FMNL3: variants seen among roughly 807,000 people sequenced by gnomAD.
FMNL3 encodes formin-like protein 3.
FMNL3 carries 57 observed loss-of-function variants against 119.6 expected under a neutral mutation model. The ratio of observed to expected loss-of-function variants is 0.48; its 90% CI spans 0.39 to 0.59. The LOEUF (loss-of-function observed/expected upper bound fraction) is 0.59. FMNL3 is among the 20% of genes least tolerant of loss of function. FMNL3 has a pLI of 0.00. For missense variants in FMNL3, 1,053 were observed against 1,323.5 expected (o/e 0.80, Z 3.17); for synonymous variants, 491 against 507.3 (o/e 0.97, Z 0.43).
Position 49,649,506 on chromosome 12 carries a change from G to C in FMNL3, c.2268C>G (p.Ser756=). The C allele has an allele frequency of 6.2e-7, 1 of 1,614,124 alleles. No individual in the cohort carries two copies. Among genetic ancestry groups the C allele is most frequent in the Non-Finnish European group, 8.5e-7 (1 of 1,180,032 alleles). The change falls in exon 19 of 26, where the codon TCC becomes TCG. Residue 756 remains serine, a synonymous_variant. Coordinates refer to ENST00000335154, the MANE Select transcript of FMNL3 (RefSeq NM_175736.5). This position sits in a 1 kb window ranked among gnomAD's most constrained non-coding sequence, Gnocchi z 5.6. Reference sequence around the variant, plus strand: ...GCTTCAGCTTCTGTGAAGACTTGACGGAAGCGGACGCCGCAATGATGGCAT... The same window carrying C: ...GCTTCAGCTTCTGTGAAGACTTGACCGAAGCGGACGCCGCAATGATGGCAT... ...QLNAIIAASA[S]VKSSQKLKQM...
Position 49,640,993 on chromosome 12 carries a change from G to T in FMNL3, c.*4822C>A, listed in dbSNP as rs897282086. On this transcript the variant is annotated 3_prime_UTR_variant, in exon 26 of 26. Coordinates refer to ENST00000335154, the MANE Select transcript of FMNL3 (RefSeq NM_175736.5). ...AAAGAAGAAAGAGGAGCACACCTCT[G>T]CCATCAGCAAAAAGGCCAGAGGAGG... The T allele has an allele frequency of 6.6e-6, 1 of 152,386 alleles. No homozygotes were observed. The highest frequency in any genetic ancestry group is 1.5e-5 in the Non-Finnish European group (1 of 68,074). The allele number at this position is 152,386 out of a possible 1,614,324, so 9.4% of individuals were successfully genotyped here.
chr12:49,662,719 G>A (rs917030160), intron 4 of FMNL3, among the ~76,000 whole-genome samples: 6 of 152,176 alleles, frequency 3.9e-5, no homozygotes, highest in African/African-American at 1.4e-4. Context: ...CTGAGTACGT[G>A]GGTCCCCCTC....
chr12:49,655,326 G>C (rs1460132335), intron 9 of FMNL3, among the ~76,000 whole-genome samples: 1 of 152,196 alleles, frequency 6.6e-6, no homozygotes, highest in Non-Finnish European at 1.5e-5. Flanking sequence ...CAGCTACTTG[G>C]GAGGCAGAGG....
chr12:49,665,323 C>T (rs1943859982), intron 4 of FMNL3, among the ~76,000 whole-genome samples: 1 of 152,076 alleles, frequency 6.6e-6, no homozygotes. Context: ...CAGCTCCTGC[C>T]CCCAGTGCCT....
intron 5 of FMNL3, among the ~76,000 whole-genome samples, chr12:49,661,216 G>C (rs1017363292): frequency 6.6e-6 from 1 of 152,174 alleles, no homozygotes; most frequent in Non-Finnish European, 1.5e-5. Context: ...CCACAATACA[G>C]ACCCGGTATG....
At chr12:49,703,022 C>T (rs577375126) in intron 1 of FMNL3, among the ~76,000 whole-genome samples, 1 of 152,176 alleles carries the variant, frequency 6.6e-6, no homozygotes, top group Non-Finnish European at 1.5e-5. Context: ...CAGTCATCAC[C>T]AGGGAAATGT....
intron 1 of FMNL3, among the ~76,000 whole-genome samples, chr12:49,703,601 T>C (rs1944967856): frequency 6.6e-6 from 1 of 152,120 alleles, no homozygotes; most frequent in African/African-American, 2.4e-5. Context: ...CTGGGAACTT[T>C]AGCTGCCCCT....
chr12:49,679,262 A>T (rs1431544963), intron 1 of FMNL3, among the ~76,000 whole-genome samples: 1 of 152,172 alleles, frequency 6.6e-6, no homozygotes, highest in Non-Finnish European at 1.5e-5. Flanking sequence ...TTTGAACCCA[A>T]GTCTGACCCC....
At chr12:49,685,128 G>A (rs1283964387) in intron 1 of FMNL3, among the ~76,000 whole-genome samples, 1 of 152,164 alleles carries the variant, frequency 6.6e-6, no homozygotes, top group Non-Finnish European at 1.5e-5. Context: ...AATCCCAGGA[G>A]CACAGGTCTC....
At chr12:49,657,932 C>T (rs1943619652) in intron 6 of FMNL3, among the ~76,000 whole-genome samples, 2 of 152,152 alleles carry the variant, frequency 1.3e-5, no homozygotes, top group South Asian at 4.1e-4. Flanking sequence ...TAAGACACCG[C>T]AGACAAATGA....
At chr12:49,658,782 G>C (rs1353790033) in intron 5 of FMNL3, among the ~76,000 whole-genome samples, 188 bp from the exon 6 acceptor site, 1 of 151,710 alleles carries the variant, frequency 6.6e-6, no homozygotes, top group Non-Finnish European at 1.5e-5. Context: ...CACTAACACA[G>C]AACAGCGGCA....
At position 49,636,725 on chromosome 12, in the gene FMNL3, A is replaced by G. The variant is rs1941860880; in HGVS notation, c.*9090T>C. 3 of 1,614,172 alleles carry G rather than the reference A, an allele frequency of 1.9e-6. No homozygotes were observed. The highest frequency in any genetic ancestry group is 2.5e-6 in the Non-Finnish European group (3 of 1,180,016). On this transcript the variant is annotated 3_prime_UTR_variant, in exon 26 of 26. Transcript: ENST00000335154. ...TCCTGCCTGTCTTTAGACATGGACA[A>G]GGAAGATGCACTGATCTGTTTTGAG...
intron 1 of FMNL3, among the ~76,000 whole-genome samples, chr12:49,671,183 G>A (rs1944036326): frequency 6.6e-6 from 1 of 152,208 alleles, no homozygotes; most frequent in Non-Finnish European, 1.5e-5. Flanking sequence ...GAACTGATGA[G>A]GAAACACTTG....
chr12:49,643,811 C>T lies in FMNL3; in HGVS notation c.*2004G>A. The stretch of plus-strand genomic sequence containing the variant: ...ATTTTGTGAGTTCTGTTCTACCTGC[C>T]TCCCAGGCTATCCACAGGAACTGAG... On this transcript the variant is annotated 3_prime_UTR_variant, in exon 26 of 26. Transcript: ENST00000335154. 6.2e-7 allele frequency: 1 copy of T among 1,613,876 alleles called. No individual in the cohort carries two copies. The highest frequency in any genetic ancestry group is 8.5e-7 in the Non-Finnish European group (1 of 1,179,902).
At chr12:49,677,187 C>G (rs1412491308) in intron 1 of FMNL3, among the ~76,000 whole-genome samples, 1 of 152,242 alleles carries the variant, frequency 6.6e-6, no homozygotes, top group African/African-American at 2.4e-5. Flanking sequence ...ACTCCCCTAA[C>G]AGTGTCTCTG....
intron 1 of FMNL3, among the ~76,000 whole-genome samples, chr12:49,675,628 G>A (rs187343725): frequency 1.3e-5 from 2 of 152,250 alleles, no homozygotes; most frequent in East Asian, 3.9e-4. Context: ...TCATCACCTG[G>A]GTGGGCCGTT....
chr12:49,704,931 C>G (rs1034888857), intron 1 of FMNL3, among the ~76,000 whole-genome samples: 3 of 152,126 alleles, frequency 2.0e-5, no homozygotes, highest in African/African-American at 7.2e-5. Flanking sequence ...TATGCTTCTC[C>G]TGACTGTTCA....
At position 49,637,702 on chromosome 12, in the gene FMNL3, C is replaced by T; in HGVS notation, c.*8113G>A. ...CCCCCAGGCCTTGGGAAGCTGCCGC[C>T]CGCCAGGCCCCCCTCCCTCCCTCCT... On this transcript the variant is annotated 3_prime_UTR_variant, in exon 26 of 26. Transcript: ENST00000335154. 6.6e-7 allele frequency: 1 copy of T among 1,507,838 alleles called. No individual in the cohort carries two copies. Among genetic ancestry groups the T allele is most frequent in the South Asian group, 1.2e-5 (1 of 86,052 alleles). The allele number at this position is 1,507,838 out of a possible 1,614,324, so 93.4% of individuals were successfully genotyped here.
Position 49,636,691 on chromosome 12 carries a change from C to T in FMNL3, c.*9124G>A, listed in dbSNP as rs545428941. 68 of 1,613,190 alleles carry T rather than the reference C, an allele frequency of 4.2e-5. No individual in the cohort carries two copies. Among genetic ancestry groups the T allele is most frequent in the South Asian group, 2.0e-4 (18 of 91,068 alleles). On this transcript the variant is annotated 3_prime_UTR_variant, in exon 26 of 26. Transcript: ENST00000335154. Reference sequence around the variant, plus strand: ...GAGGGTATCCTGCTGGGACAATGCCCGCGGAACCTCCTGCCTGTCTTTAGA... The same window carrying T: ...GAGGGTATCCTGCTGGGACAATGCCTGCGGAACCTCCTGCCTGTCTTTAGA...
Sources: gnomAD v4.1 joint callset for allele counts (sites outside exome capture counted in the v4.1 genomes callset) on GRCh38, gnomAD v4.1.1 for gene constraint, Gnocchi (gnomAD v3.1) non-coding constraint, MANE v1.5 for transcripts, NCBI Gene and HGNC (gene_info 2026-07-23, HGNC 2026-07-21) for gene names.